Variants in ANO4 observed in about 807,000 individuals in gnomAD.
The protein encoded by ANO4 is anoctamin 4.
ANO4 carries 69 observed loss-of-function variants against 141.9 expected under a neutral mutation model. That is an observed-to-expected ratio of 0.49 (90% CI 0.40 to 0.59). The LOEUF (loss-of-function observed/expected upper bound fraction) is 0.59. Among genes scored for constraint, ANO4 ranks in the 20% least tolerant of loss-of-function variants. The pLI is 0.00. For synonymous variants in ANO4, 350 were observed against 394.3 expected, an observed-to-expected ratio of 0.89 and a Z score of 1.33; for missense variants, 894 against 1,162.2, an observed-to-expected ratio of 0.77 and a Z score of 3.36.
intron 1 of ANO4, among the ~76,000 whole-genome samples, chr12:100,837,291 G>GT (rs149820227): frequency 0.047 from 7,159 of 152,144 alleles, 232 homozygotes; most frequent in Middle Eastern, 0.095. Context: ...AAATAGTACT[G>GT]TTATAATATC....
intron 3 of ANO4, among the ~76,000 whole-genome samples, chr12:100,763,530 C>T (rs2032961715): frequency 6.6e-6 from 1 of 152,190 alleles, no homozygotes; most frequent in African/African-American, 2.4e-5. Context: ...CTCTCCAGCT[C>T]CTTACACATC....
chr12:101,009,393 A>C lies in ANO4; in HGVS notation c.735-10641A>C, dbSNP rs76096001. Among the ~76,000 whole-genome samples, 599 of 152,182 alleles carry C rather than the reference A, an allele frequency of 3.9e-3. 5 individuals are homozygous for C. Among genetic ancestry groups the C allele is most frequent in the African/African-American group, 0.013 (551 of 41,522 alleles). On this transcript the variant is annotated intron_variant, in intron 8 of 27. Transcript: ENST00000392977. ...AAAACAAATTTCTGTTTTTTGAGCC[A>C]CTCAGGGTATGGTACTTTGTTATGA...
At chr12:100,739,324 A>C (rs1028779365) in intron 2 of ANO4, among the ~76,000 whole-genome samples, 1 of 152,022 alleles carries the variant, frequency 6.6e-6, no homozygotes, top group Non-Finnish European at 1.5e-5. Context: ...CCTGAGGAGC[A>C]GTTTCTGATC....
intron 1 of ANO4, among the ~76,000 whole-genome samples, chr12:100,870,904 G>A (rs1218405374): frequency 3.3e-5 from 5 of 152,022 alleles, no homozygotes; most frequent in African/African-American, 9.7e-5. Context: ...ATTTTTTCAG[G>A]TATTATTGAG....
intron 22 of ANO4, among the ~76,000 whole-genome samples, chr12:101,106,154 T>C (rs2050432889): frequency 6.6e-6 from 1 of 151,864 alleles, no homozygotes; most frequent in Non-Finnish European, 1.5e-5. Flanking sequence ...CGTAAGACAG[T>C]AAATTAGTGA....
intron 27 of ANO4, 119 bp downstream of exon 27, chr12:101,127,193 A>C: frequency 9.4e-7 from 1 of 1,067,266 alleles, no homozygotes; most frequent in Non-Finnish European, 1.3e-6. Context: ...ACTCCTTAGA[A>C]GCTTCCCAAT....
At chr12:100,899,873 C>T (rs145665542) in intron 1 of ANO4, among the ~76,000 whole-genome samples, 120 of 152,210 alleles carry the variant, frequency 7.9e-4, no homozygotes, top group African/African-American at 2.8e-3. Context: ...AAGGTAGATA[C>T]TGTTTTATAT....
At chr12:100,892,020 G>A (rs2040132309) in intron 1 of ANO4, among the ~76,000 whole-genome samples, 1 of 152,056 alleles carries the variant, frequency 6.6e-6, no homozygotes. Context: ...CCTGTGCCTG[G>A]CTTATTTTAC....
chr12:100,870,345 C>A (rs531979423), intron 1 of ANO4, among the ~76,000 whole-genome samples: 1 of 152,274 alleles, frequency 6.6e-6, no homozygotes, highest in Non-Finnish European at 1.5e-5. Context: ...AATTACATCC[C>A]TTTCTTTAGT....
chr12:100,859,919 C>G (rs537042368), intron 1 of ANO4, among the ~76,000 whole-genome samples: 1 of 152,200 alleles, frequency 6.6e-6, no homozygotes, highest in South Asian at 2.1e-4. Context: ...CAGCACCTGT[C>G]ATTAAAATTC....
intron 5 of ANO4, among the ~76,000 whole-genome samples, chr12:100,967,377 T>C (rs892622318): frequency 6.6e-6 from 1 of 152,116 alleles, no homozygotes; most frequent in Admixed American, 6.6e-5. Context: ...GTGTAATCAT[T>C]TGGCAGTAGA....
chr12:100,952,398 C>T (rs2043006073), intron 5 of ANO4, among the ~76,000 whole-genome samples: 1 of 152,124 alleles, frequency 6.6e-6, no homozygotes, highest in Admixed American at 6.5e-5. Context: ...AGAGTCTGGA[C>T]ATATTGACAG....
intron 20 of ANO4, 50 bp from the exon 21 acceptor site, chr12:101,097,798 T>G (rs765240157): frequency 3.2e-5 from 52 of 1,607,280 alleles, no homozygotes; most frequent in Non-Finnish European, 4.3e-5. Context: ...CCAGACACCC[T>G]TTCTTCCTCT....
intron 9 of ANO4, among the ~76,000 whole-genome samples, chr12:101,020,365 C>G (rs933043164): frequency 1.3e-5 from 2 of 152,202 alleles, no homozygotes; most frequent in Non-Finnish European, 2.9e-5. Flanking sequence ...TGGAGAAATT[C>G]TCTCATTTTA....
At chr12:100,869,752 T>C (rs2038942088) in intron 1 of ANO4, among the ~76,000 whole-genome samples, 1 of 152,192 alleles carries the variant, frequency 6.6e-6, no homozygotes, top group Non-Finnish European at 1.5e-5. Flanking sequence ...GAGATTTCAG[T>C]TTCTCATTTT....
chr12:100,881,479 A>G (rs1593618080), intron 1 of ANO4, among the ~76,000 whole-genome samples: 1 of 151,396 alleles, frequency 6.6e-6, no homozygotes, highest in East Asian at 1.9e-4. Flanking sequence ...CAAATTCTCC[A>G]CTATTGGATA....
In ANO4 at chr12:101,097,598, C is replaced by A; in HGVS notation, c.1851-53C>A. ...TGTGCTAAACTAAATGTAATATTCG[C>A]TGAAAGCTTGGACCTAGAGCACTAA... On this transcript the variant is annotated intron_variant, in intron 19 of 27. Transcript: ENST00000392977. 14 of 1,538,278 alleles carry A rather than the reference C, an allele frequency of 9.1e-6. No individual in the cohort carries two copies. In the South Asian group the frequency reaches 1.2e-4, roughly 14 times the overall value.
chr12:100,749,077 G>A (rs1016775174), intron 3 of ANO4, among the ~76,000 whole-genome samples: 1 of 152,186 alleles, frequency 6.6e-6, no homozygotes, highest in African/African-American at 2.4e-5. Context: ...GCAAATTTGA[G>A]TTGAGGCTAT....
chr12:100,926,546 A>G (rs1412253276), intron 3 of ANO4, among the ~76,000 whole-genome samples: 1 of 151,994 alleles, frequency 6.6e-6, no homozygotes, highest in African/African-American at 2.4e-5. Flanking sequence ...CAGGAAAACA[A>G]CTTGATTGCT....
Sources: gnomAD v4.1 joint callset for allele counts (sites outside exome capture counted in the v4.1 genomes callset) on GRCh38, gnomAD v4.1.1 for gene constraint, MANE v1.5 for transcripts, NCBI Gene and HGNC (gene_info 2026-07-23, HGNC 2026-07-21) for gene names.